Variants in MYO5B observed in about 807,000 individuals in gnomAD.
MYO5B encodes the protein unconventional myosin-Vb.
Under a neutral mutation model 229.3 loss-of-function variants are expected in MYO5B, and 143 were observed. That is an observed-to-expected ratio of 0.62 (90% CI 0.54 to 0.72). MYO5B has a LOEUF of 0.72. MYO5B is among the 30% of genes least tolerant of loss of function. MYO5B has a pLI of 0.00. For synonymous variants in MYO5B, 918 were observed against 885.2 expected, an observed-to-expected ratio of 1.04 and a Z score of -0.66; for missense variants, 2,321 against 2,331.0, an observed-to-expected ratio of 1.00 and a Z score of 0.09.
At chr18:49,995,422 T>C (rs553449695) in intron 5 of MYO5B, among the ~76,000 whole-genome samples, 1 of 62,568 alleles carries the variant, frequency 1.6e-5, no homozygotes, top group Non-Finnish European at 4.2e-5. Context: ...GCCTGGATAA[T>C]TTTTTTTGTA....
At chr18:50,130,727 T>C (rs1247577643) in intron 1 of MYO5B, among the ~76,000 whole-genome samples, 1 of 152,122 alleles carries the variant, frequency 6.6e-6, no homozygotes, top group Non-Finnish European at 1.5e-5. Flanking sequence ...AACAATATCG[T>C]CTACACAGGA....
At chr18:49,891,445 G>C (rs1616039) in intron 22 of MYO5B, among the ~76,000 whole-genome samples, 88,621 of 151,802 alleles carry the variant, frequency 0.58, 25,973 homozygotes, top group Middle Eastern at 0.67. Context: ...AGCTCCTTAA[G>C]AACGAGAAGG....
chr18:49,853,590 A>G lies in MYO5B; in HGVS notation c.4080T>C (p.His1360=). The G allele has an allele frequency of 6.2e-7, 1 of 1,614,044 alleles. No homozygotes were observed. The highest frequency in any genetic ancestry group is 8.5e-7 in the Non-Finnish European group (1 of 1,180,018). Residue 1360 remains histidine (H), a synonymous_variant, in exon 31 of 40, where the codon CAT becomes CAC. Transcript: ENST00000285039. The part of the protein sequence containing the change: ...QSLEHEEEVE[H]LKAQLEALKE... Reference sequence around the variant, plus strand: ...TCAGGGCCTCGAGCTGAGCCTTGAGATGCTCCACCTCCTCCTCATGCTCCA... The same window carrying G: ...TCAGGGCCTCGAGCTGAGCCTTGAGGTGCTCCACCTCCTCCTCATGCTCCA...
intron 1 of MYO5B, among the ~76,000 whole-genome samples, chr18:50,107,816 C>T (rs2031789852): frequency 6.6e-6 from 1 of 152,204 alleles, no homozygotes; most frequent in South Asian, 2.1e-4. Flanking sequence ...CAGAAGTGGA[C>T]ATCTGCATAA....
Position 49,826,545 on chromosome 18 carries a change from T to A in MYO5B, c.5473A>T (p.Asn1825Tyr), listed in dbSNP as rs1058532. Residue 1825 changes from asparagine to tyrosine, a missense_variant, in exon 40 of 40, where the codon AAT becomes TAT. Around this residue, in one of 2 missense-constraint regions of MYO5B, gnomAD observed 208 missense variants for 286.3 expected, o/e 0.73. Coordinates refer to ENST00000285039, the MANE Select transcript of MYO5B (RefSeq NM_001080467.3). ...GAGTCCATGGTTAGAGAAGATGGAT[T>A]AAATGGAAACAAAACAGGAAACATG... ...KHMFPVLFPF[N>Y]PSSLTMDSIH... The A allele has an allele frequency of 6.2e-6, 10 of 1,613,890 alleles. No homozygotes were observed. Among genetic ancestry groups the A allele is most frequent in the Non-Finnish European group, 8.5e-6 (10 of 1,179,942 alleles).
chr18:50,060,838 A>G (rs1293308422), intron 1 of MYO5B, among the ~76,000 whole-genome samples: 1 of 152,144 alleles, frequency 6.6e-6, no homozygotes, highest in Non-Finnish European at 1.5e-5. Context: ...GCAACACCCC[A>G]TCCTACTTTT....
intron 17 of MYO5B, among the ~76,000 whole-genome samples, chr18:49,919,798 CACA>C (rs1453540045): frequency 1.3e-5 from 2 of 152,300 alleles, no homozygotes; most frequent in Admixed American, 1.3e-4. Context: ...TACCATATGA[CACA>C]ACAATTCCAC....
At chr18:49,909,404 C>A (rs967840893) in intron 18 of MYO5B, among the ~76,000 whole-genome samples, 1 of 152,212 alleles carries the variant, frequency 6.6e-6, no homozygotes, top group African/African-American at 2.4e-5. Flanking sequence ...TCCACCTAGG[C>A]AACCTTGGGC....
At chr18:50,021,122 T>C (rs190635992) in intron 4 of MYO5B, among the ~76,000 whole-genome samples, 55 of 152,272 alleles carry the variant, frequency 3.6e-4, no homozygotes, top group Non-Finnish European at 6.2e-4. Context: ...CACACAAGCA[T>C]AATTACCTGC....
chr18:50,011,212 G>A (rs1598951156), intron 4 of MYO5B, among the ~76,000 whole-genome samples: 1 of 152,036 alleles, frequency 6.6e-6, no homozygotes, highest in South Asian at 2.1e-4. Flanking sequence ...CGTGGTGGCG[G>A]GTGCCTGTAG....
intron 1 of MYO5B, among the ~76,000 whole-genome samples, chr18:50,184,007 C>T (rs796881305): frequency 5.9e-5 from 9 of 152,304 alleles, no homozygotes; most frequent in African/African-American, 2.2e-4. Flanking sequence ...GGGCAATGCC[C>T]TTGAACTTCC....
At chr18:49,931,718 G>C (rs1314534906) in intron 16 of MYO5B, among the ~76,000 whole-genome samples, 1 of 152,214 alleles carries the variant, frequency 6.6e-6, no homozygotes, top group Non-Finnish European at 1.5e-5. Flanking sequence ...CTGCTCGGCT[G>C]CCCATGACTG....
At chr18:49,829,783 A>C (rs991914467) in intron 39 of MYO5B, among the ~76,000 whole-genome samples, 1 of 152,272 alleles carries the variant, frequency 6.6e-6, no homozygotes, top group African/African-American at 2.4e-5. Context: ...AAGCAAGGTT[A>C]GTTCAACATA....
chr18:49,896,631 A>T (rs16951197), intron 21 of MYO5B, among the ~76,000 whole-genome samples: 1,933 of 152,220 alleles, frequency 0.013, 46 homozygotes, highest in African/African-American at 0.045. Flanking sequence ...GGAGGTCTCT[A>T]GGTAGAGCTT....
At chr18:50,008,075 A>G (rs1408588574) in intron 4 of MYO5B, among the ~76,000 whole-genome samples, 1 of 152,132 alleles carries the variant, frequency 6.6e-6, no homozygotes, top group Non-Finnish European at 1.5e-5. Flanking sequence ...TCTCTGTATT[A>G]CCATTACACT....
At chr18:49,846,073 G>A (rs1381615622) in intron 33 of MYO5B, among the ~76,000 whole-genome samples, 1 of 152,230 alleles carries the variant, frequency 6.6e-6, no homozygotes, top group Non-Finnish European at 1.5e-5. Flanking sequence ...GGTGGCCCCA[G>A]GGAGCACATG....
At chr18:49,982,676 C>T (rs948241753) in intron 8 of MYO5B, among the ~76,000 whole-genome samples, 4 of 152,190 alleles carry the variant, frequency 2.6e-5, no homozygotes, top group African/African-American at 9.7e-5. Flanking sequence ...CATGCCCACT[C>T]TGTTACGTTC....
At chr18:50,043,282 AT>A (rs34353517) in intron 2 of MYO5B, among the ~76,000 whole-genome samples, 13,929 of 106,200 alleles carry the variant, frequency 0.13, 1,015 homozygotes, top group Middle Eastern at 0.19. Context: ...ATATATTTAT[AT>A]TTATATATTA....
In MYO5B at chr18:50,028,965, A is replaced by T. The variant is rs1043405609; in HGVS notation, c.455+7885T>A. On this transcript the variant is annotated intron_variant, in intron 4 of 39. Transcript: ENST00000285039. ...CAGGGTCATAGAAGGCAGGCAAAGG[A>T]AACTGCCTCTCCTATTCTTTCCTAA... Among the ~76,000 whole-genome samples the T allele has an allele frequency of 1.3e-5, 2 of 152,240 alleles. 1 individual carries two copies. The highest frequency in any genetic ancestry group is 4.1e-4 in the South Asian group (2 of 4,832).
Sources: gnomAD v4.1 joint callset for allele counts (sites outside exome capture counted in the v4.1 genomes callset) on GRCh38, gnomAD v4.1.1 for gene constraint, gnomAD v4.1.1 regional missense constraint, MANE v1.5 for transcripts, NCBI Gene and HGNC (gene_info 2026-07-23, HGNC 2026-07-21) for gene names.